The following MYO16 variants were observed in gnomAD, a reference collection of about 807,000 sequenced individuals.
MYO16 encodes unconventional myosin-XVI.
Under a neutral mutation model 205.3 loss-of-function variants are expected in MYO16, and 94 were observed. The observed-to-expected ratio is 0.46, with a 90% CI of 0.39 to 0.54. The LOEUF is 0.54. Ranked by LOEUF, MYO16 falls within the 20% of genes least tolerant of loss-of-function variation. The probability of loss-of-function intolerance (pLI) is 0.00; values close to 1 mark genes in which losing one functional copy is unlikely to be tolerated. For synonymous variants in MYO16, 988 were observed against 954.0 expected (o/e 1.04, Z -0.66); for missense variants, 2,315 against 2,387.5 (o/e 0.97, Z 0.63).
At chr13:108,992,278 T>G (rs1884861126) in intron 20 of MYO16, 98 bp from the exon 21 acceptor site, 14 of 755,258 alleles carry the variant, frequency 1.9e-5, no homozygotes. Context: ...GGCAGCAATG[T>G]GCTAAGTGGC....
intron 7 of MYO16, among the ~76,000 whole-genome samples, chr13:108,817,093 TA>T (rs60359594): frequency 0.014 from 2,071 of 148,634 alleles, 51 homozygotes; most frequent in African/African-American, 0.046. Flanking sequence ...CCAGTGAGGA[TA>T]AAAAAAAAAT....
intron 7 of MYO16, among the ~76,000 whole-genome samples, chr13:108,819,740 A>G (rs553842825): frequency 2.0e-5 from 3 of 152,276 alleles, no homozygotes; most frequent in Admixed American, 2.0e-4. Context: ...CATTTTTCTA[A>G]TGGTCCAATG....
chr13:108,832,706 A>G (rs977179149), intron 9 of MYO16, among the ~76,000 whole-genome samples: 4 of 152,240 alleles, frequency 2.6e-5, no homozygotes, highest in Admixed American at 2.6e-4. Context: ...AATGCATAGT[A>G]TTTAAGCAAT....
chr13:108,888,047 C>A (rs1249446000), intron 13 of MYO16, among the ~76,000 whole-genome samples: 1 of 152,170 alleles, frequency 6.6e-6, no homozygotes, highest in African/African-American at 2.4e-5. Flanking sequence ...AATTCACCTA[C>A]ACTAGGTGGT....
intron 34 of MYO16, among the ~76,000 whole-genome samples, chr13:109,191,220 G>A (rs576546025): frequency 1.2e-3 from 177 of 144,734 alleles, no homozygotes; most frequent in African/African-American, 3.9e-3. Flanking sequence ...ACTCTGTCTC[G>A]AAAAAAAAAA....
At chr13:109,145,746 T>G (rs1877300816) in intron 32 of MYO16, among the ~76,000 whole-genome samples, 1 of 152,182 alleles carries the variant, frequency 6.6e-6, no homozygotes, top group South Asian at 2.1e-4. Flanking sequence ...GCCACTAGGG[T>G]GCTCCATTGC....
chr13:108,938,493 CA>C (rs1427169096), intron 16 of MYO16, among the ~76,000 whole-genome samples: 2 of 152,200 alleles, frequency 1.3e-5, no homozygotes, highest in Non-Finnish European at 2.9e-5. Context: ...AGTGGATGGC[CA>C]CCAAGCGCTC....
chr13:108,738,385 G>A (rs541636082), intron 4 of MYO16, among the ~76,000 whole-genome samples: 53 of 148,492 alleles, frequency 3.6e-4, no homozygotes, highest in African/African-American at 1.1e-3. Flanking sequence ...CCTTCATTTC[G>A]TTATGTACCC....
intron 4 of MYO16, among the ~76,000 whole-genome samples, chr13:108,758,004 C>T (rs1305906722): frequency 6.6e-6 from 1 of 152,098 alleles, no homozygotes; most frequent in Non-Finnish European, 1.5e-5. Context: ...AGGTGATAGT[C>T]GTGAGGATAG....
chr13:108,900,791 A>G (rs1277349833), intron 15 of MYO16, among the ~76,000 whole-genome samples: 1 of 152,208 alleles, frequency 6.6e-6, no homozygotes, highest in Non-Finnish European at 1.5e-5. Flanking sequence ...GATAACAGCA[A>G]TGTTCAGGGA....
chr13:108,791,932 C>G (rs1886628341), intron 5 of MYO16, among the ~76,000 whole-genome samples: 1 of 152,120 alleles, frequency 6.6e-6, no homozygotes, highest in African/African-American at 2.4e-5. Flanking sequence ...ATGTTTGCTG[C>G]CAGGATGAAA....
At chr13:109,078,272 CAAA>C (rs3042877) in intron 27 of MYO16, among the ~76,000 whole-genome samples, 42,921 of 136,476 alleles carry the variant, frequency 0.31, 6,223 homozygotes, top group East Asian at 0.36. Flanking sequence ...ACTAAAAATA[CAAA>C]AAAAAAAAAA....
chr13:109,021,058 A>T (rs1009745828), intron 23 of MYO16, among the ~76,000 whole-genome samples: 7 of 152,100 alleles, frequency 4.6e-5, no homozygotes, highest in Non-Finnish European at 7.4e-5. Flanking sequence ...CCAAACCCAG[A>T]CCTTCAAAGG....
In MYO16 at chr13:109,125,028, A is replaced by G. The variant is rs1876175944; in HGVS notation, c.3536-84A>G. On this transcript the variant is annotated intron_variant, in intron 29 of 34. Transcript: ENST00000457511. This position sits in a 1 kb window ranked among gnomAD's most constrained non-coding sequence, Gnocchi z 4.0. ...TACCTTATTCTACAACTGCTCAGAG[A>G]TAAGTATATTATGATTTTTGTTTGT... The G allele has an allele frequency of 7.1e-7, 1 of 1,411,974 alleles. No homozygotes were observed. Among genetic ancestry groups the G allele is most frequent in the Non-Finnish European group, 9.8e-7 (1 of 1,024,578 alleles). The allele number at this position is 1,411,974 out of a possible 1,614,324, so 87.5% of individuals were successfully genotyped here. A position where few individuals can be genotyped will look rare whatever the true frequency, so the allele number is the denominator to read the frequency against.
At chr13:108,627,784 G>A (rs1350060196), upstream of MYO16, among the ~76,000 whole-genome samples, 1 of 152,100 alleles carries the variant, frequency 6.6e-6, no homozygotes, top group Non-Finnish European at 1.5e-5. Context: ...TTTAAAGAGT[G>A]AATGGTATCA....
At chr13:108,902,986 G>A (rs895890907) in intron 15 of MYO16, among the ~76,000 whole-genome samples, 2 of 152,196 alleles carry the variant, frequency 1.3e-5, no homozygotes, top group Non-Finnish European at 2.9e-5. Flanking sequence ...AGCCTGGAAA[G>A]TGAATCACCC....
intron 4 of MYO16, among the ~76,000 whole-genome samples, chr13:108,782,851 A>G (rs907689668): frequency 5.9e-5 from 9 of 152,196 alleles, no homozygotes; most frequent in African/African-American, 9.6e-5. Flanking sequence ...CTGCAGGTAG[A>G]CAGAAGTCAA....
At chr13:108,757,750 A>G (rs1885469204) in intron 4 of MYO16, among the ~76,000 whole-genome samples, 1 of 151,912 alleles carries the variant, frequency 6.6e-6, no homozygotes, top group Admixed American at 6.6e-5. Context: ...TGTCCTTGCG[A>G]CAGTTTGCTG....
chr13:108,572,674 C>G, the MYO16 span, among the ~76,000 whole-genome samples: 3 of 152,122 alleles, frequency 2.0e-5, no homozygotes, highest in Non-Finnish European at 2.9e-5. Context: ...TTTTTTGTGA[C>G]ATAGGTTACT....
Sources: gnomAD v4.1 joint callset for allele counts (sites outside exome capture counted in the v4.1 genomes callset) on GRCh38, gnomAD v4.1.1 for gene constraint, Gnocchi (gnomAD v3.1) non-coding constraint, MANE v1.5 for transcripts, NCBI Gene and HGNC (gene_info 2026-07-23, HGNC 2026-07-21) for gene names.